ADAM22: variants seen among roughly 807,000 people sequenced by gnomAD.
ADAM22 encodes disintegrin and metalloproteinase domain-containing protein 22.
In ADAM22, 65 loss-of-function variants were observed where a neutral mutation model predicts 144.6. The ratio of observed to expected loss-of-function variants is 0.45; its 90% CI spans 0.37 to 0.55. The LOEUF is 0.55. Ranked by LOEUF, ADAM22 falls within the 20% of genes least tolerant of loss-of-function variation. ADAM22 has a pLI of 0.00. For missense variants in ADAM22, 974 were observed against 1,184.9 expected (o/e 0.82, Z 2.61); for synonymous variants, 391 against 412.6 (o/e 0.95, Z 0.63).
rs190064908 is a variant in ADAM22, at chr7:87,979,438, C to T, written c.323+1026C>T. On this transcript the variant is annotated intron_variant, in intron 3 of 31. Transcript: ENST00000413139. ...CTCAATAACCCTCTCTGCCTTCACTCCCTCATCTACTTAATACCTAGTCTC... is the reference window on the plus strand; with the variant it reads ...CTCAATAACCCTCTCTGCCTTCACTTCCTCATCTACTTAATACCTAGTCTC... 1.2e-3 allele frequency among the ~76,000 whole-genome samples: 188 copies of T among 152,254 alleles called. 1 individual carries two copies. The highest frequency in any genetic ancestry group is 4.3e-3 in the African/African-American group (179 of 41,534).
chr7:88,141,410 CATT>C (rs1313629216), intron 14 of ADAM22, among the ~76,000 whole-genome samples: 5 of 152,112 alleles, frequency 3.3e-5, no homozygotes, highest in African/African-American at 9.7e-5. Context: ...GGTAAATAAT[CATT>C]ATAAATTCCA....
At position 87,984,914 on chromosome 7, in the gene ADAM22, C is replaced by T. The variant is rs572225789; in HGVS notation, c.323+6502C>T. 1.4e-4 allele frequency among the ~76,000 whole-genome samples: 21 copies of T among 152,138 alleles called. No individual in the cohort carries two copies. In the South Asian group the frequency reaches 3.5e-3, roughly 26 times the overall value. On this transcript the variant is annotated intron_variant, in intron 3 of 31. Transcript: ENST00000413139. ...CAGGCTGGTTTCGAGCTCAAGTGAT[C>T]GCCTGCCTCAGTCTCCCAAAATGTT...
chr7:88,179,621 G>C (rs756068489), intron 27 of ADAM22, among the ~76,000 whole-genome samples: 10 of 151,936 alleles, frequency 6.6e-5, no homozygotes, highest in Non-Finnish European at 1.3e-4. Context: ...AATTAAGTGT[G>C]CTTAATTTTG....
chr7:88,041,042 C>A (rs1347316028), intron 3 of ADAM22, among the ~76,000 whole-genome samples: 1 of 152,046 alleles, frequency 6.6e-6, no homozygotes. Flanking sequence ...GCTATGGCTT[C>A]TGACCTGATT....
At chr7:88,025,174 T>C (rs1798742694) in intron 3 of ADAM22, among the ~76,000 whole-genome samples, 1 of 152,214 alleles carries the variant, frequency 6.6e-6, no homozygotes, top group Non-Finnish European at 1.5e-5. Context: ...ACCAACAGTG[T>C]AAAAGTGTTC....
intron 3 of ADAM22, among the ~76,000 whole-genome samples, chr7:88,070,635 G>A (rs1812495673): frequency 6.6e-6 from 1 of 152,046 alleles, no homozygotes; most frequent in African/African-American, 2.4e-5. Context: ...GTGATCACTT[G>A]GTTAAGGTGA....
intron 30 of ADAM22, among the ~76,000 whole-genome samples, chr7:88,190,591 A>T (rs1205197765): frequency 6.6e-6 from 1 of 152,134 alleles, no homozygotes; most frequent in East Asian, 1.9e-4. Flanking sequence ...GTATCCAATG[A>T]TGCACTTCAC....
intron 31 of ADAM22, among the ~76,000 whole-genome samples, chr7:88,194,797 T>A (rs1351777302): frequency 1.3e-5 from 2 of 152,084 alleles, no homozygotes; most frequent in Non-Finnish European, 2.9e-5. Context: ...TCGTCTTTGC[T>A]CCAGACCCAC....
chr7:88,065,926 C>T (rs546846286), intron 3 of ADAM22, among the ~76,000 whole-genome samples: 7 of 152,100 alleles, frequency 4.6e-5, no homozygotes, highest in Non-Finnish European at 8.8e-5. Flanking sequence ...CTTGTCAACA[C>T]TAGGTTTTCT....
chr7:88,111,485 A>AG (rs1268784264), intron 5 of ADAM22, among the ~76,000 whole-genome samples: 1 of 152,214 alleles, frequency 6.6e-6, no homozygotes, highest in Non-Finnish European at 1.5e-5. Context: ...TTGGAGTCAA[A>AG]GGACTAATAG....
intron 3 of ADAM22, among the ~76,000 whole-genome samples, chr7:88,073,023 C>A (rs1813235245): frequency 6.6e-6 from 1 of 152,136 alleles, no homozygotes; most frequent in African/African-American, 2.4e-5. Context: ...AGACAATTTT[C>A]AATTGGATGT....
intron 3 of ADAM22, among the ~76,000 whole-genome samples, chr7:88,017,983 A>G (rs1416576155): frequency 2.0e-5 from 3 of 152,110 alleles, no homozygotes; most frequent in South Asian, 2.1e-4. Flanking sequence ...CGACTCCCCA[A>G]AGACTCTGTG....
chr7:88,177,638 A>C (rs903568590), intron 26 of ADAM22, among the ~76,000 whole-genome samples: 2 of 152,216 alleles, frequency 1.3e-5, no homozygotes, highest in African/African-American at 4.8e-5. Context: ...AAAATCTTTC[A>C]GATTCACAGA....
At chr7:88,117,485 T>TCA (rs1203883614) in intron 7 of ADAM22, among the ~76,000 whole-genome samples, 1 of 152,206 alleles carries the variant, frequency 6.6e-6, no homozygotes, top group Non-Finnish European at 1.5e-5. Flanking sequence ...TTCCAAGTCT[T>TCA]CACATGACAG....
intron 3 of ADAM22, among the ~76,000 whole-genome samples, chr7:87,982,161 C>G (rs1853714177): frequency 6.7e-6 from 1 of 149,362 alleles, no homozygotes; most frequent in African/African-American, 2.5e-5. Flanking sequence ...TTCTCTAGAC[C>G]CTGAAGACTT....
intron 2 of ADAM22, among the ~76,000 whole-genome samples, chr7:87,965,137 T>G (rs913383800): frequency 2.0e-5 from 3 of 152,136 alleles, no homozygotes; most frequent in African/African-American, 7.2e-5. Flanking sequence ...TTGCGGTGGT[T>G]CTTGTCGCTA....
intron 3 of ADAM22, among the ~76,000 whole-genome samples, chr7:87,991,522 G>A (rs955449094): frequency 6.6e-6 from 1 of 151,584 alleles, no homozygotes. Flanking sequence ...GCCCGCCACC[G>A]CGCCCGGCTA....
At chr7:88,050,642 C>A (rs113480727) in intron 3 of ADAM22, among the ~76,000 whole-genome samples, 5,898 of 152,220 alleles carry the variant, frequency 0.039, 349 homozygotes, top group African/African-American at 0.13. Context: ...CGTCTGTTGG[C>A]TGCATAAATG....
chr7:88,133,863 A>G (rs1486267187), intron 12 of ADAM22, among the ~76,000 whole-genome samples: 1 of 152,138 alleles, frequency 6.6e-6, no homozygotes, highest in Non-Finnish European at 1.5e-5. Flanking sequence ...GATCATCACT[A>G]CCTCCTGTTA....
Sources: gnomAD v4.1 joint callset for allele counts (sites outside exome capture counted in the v4.1 genomes callset) on GRCh38, gnomAD v4.1.1 for gene constraint, MANE v1.5 for transcripts, NCBI Gene and HGNC (gene_info 2026-07-23, HGNC 2026-07-21) for gene names.